NID1: variants seen among roughly 807,000 people sequenced by gnomAD.
NID1 encodes nidogen-1.
NID1 carries 76 observed loss-of-function variants against 130.6 expected under a neutral mutation model. The ratio of observed to expected loss-of-function variants is 0.58; its 90% confidence interval spans 0.48 to 0.70. The LOEUF is 0.70. Ranked by LOEUF, NID1 falls within the 30% of genes least tolerant of loss-of-function variation. The probability of loss-of-function intolerance (pLI) is 0.00; values close to 1 mark genes in which losing one functional copy is unlikely to be tolerated. For synonymous variants in NID1, 665 were observed against 675.1 expected (o/e 0.98, Z 0.23); for missense variants, 1,517 against 1,664.8 (o/e 0.91, Z 1.54).
intron 12 of NID1, among the ~76,000 whole-genome samples, chr1:236,003,807 C>G (rs1658156650): frequency 6.6e-6 from 1 of 151,924 alleles, no homozygotes; most frequent in Admixed American, 6.6e-5. Context: ...GAGGTGGAGG[C>G]TGCAGTGAGC....
chr1:235,983,823 C>T (rs183399883), intron 15 of NID1, among the ~76,000 whole-genome samples: 22 of 152,198 alleles, frequency 1.4e-4, no homozygotes, highest in African/African-American at 5.3e-4. Flanking sequence ...TTTAGAGATA[C>T]TTGGTTGGGT....
intron 13 of NID1, among the ~76,000 whole-genome samples, chr1:235,992,109 C>A (rs1244894509): frequency 6.6e-6 from 1 of 152,188 alleles, no homozygotes; most frequent in East Asian, 1.9e-4. Context: ...TGTCTGGAGA[C>A]CTGAGCCCTG....
Position 236,045,619 on chromosome 1 carries a change from G to C in NID1, c.590C>G (p.Pro197Arg). The change falls in exon 3 of 20, where the codon CCT (proline) becomes CGT (arginine). Residue 197 changes from proline (P) to arginine (R), a missense_variant. By Grantham distance (103) the Pro-to-Arg change is moderately radical (BLOSUM62 -2). Coordinates refer to ENST00000264187, the MANE Select transcript of NID1 (RefSeq NM_002508.3). ...DSSSYAIFLY[P>R]EDGLQFHTTF... The stretch of plus-strand genomic sequence containing the variant: ...CGTATGGAACTGCAGACCATCCTCA[G>C]GATAAAGGAAAATGGCATAGGAGCT... 6.2e-7 allele frequency: 1 copy of C among 1,614,110 alleles called. No individual in the cohort carries two copies. Among genetic ancestry groups the C allele is most frequent in the Non-Finnish European group, 8.5e-7 (1 of 1,180,036 alleles).
intron 12 of NID1, among the ~76,000 whole-genome samples, chr1:236,002,339 C>G (rs920633189): frequency 1.9e-4 from 29 of 152,120 alleles, no homozygotes; most frequent in African/African-American, 6.5e-4. Context: ...CCCGTATCTA[C>G]TAAAAACACA....
At chr1:236,007,922 G>A (rs1001576161) in intron 12 of NID1, among the ~76,000 whole-genome samples, 1 of 95,318 alleles carries the variant, frequency 1.0e-5, no homozygotes, top group Non-Finnish European at 2.0e-5. Context: ...AACTAATATG[G>A]TGGCTTTCTA....
Position 236,024,186 on chromosome 1 carries a change from G to C in NID1, c.2012C>G (p.Pro671Arg). Residue 671 changes from proline to arginine, a missense_variant, in exon 9 of 20, where the codon CCC becomes CGC. Pro to Arg is a moderately radical substitution (Grantham distance 103). This residue lies in a region of NID1 where 1,329 missense variants were observed against 1,429.2 expected (regional missense o/e 0.93). Coordinates refer to ENST00000264187, the MANE Select transcript of NID1 (RefSeq NM_002508.3). ...REGSPDALQN[P>R]CYIGTHGCDT... Reference sequence around the variant, plus strand: ...ACACCCATGAGTGCCGATGTAGCAGGGATTCTGAAGAGCATCAGGGGAGCC... The same window carrying C: ...ACACCCATGAGTGCCGATGTAGCAGCGATTCTGAAGAGCATCAGGGGAGCC... 1 of 1,614,234 alleles carries C rather than the reference G, an allele frequency of 6.2e-7. No homozygotes were observed. The highest frequency in any genetic ancestry group is 1.7e-5 in the Admixed American group (1 of 60,030).
At chr1:236,061,470 G>GT (rs959967257) in intron 1 of NID1, among the ~76,000 whole-genome samples, 22 of 151,094 alleles carry the variant, frequency 1.5e-4, no homozygotes, top group African/African-American at 3.9e-4. Flanking sequence ...TCTTTTTTTT[G>GT]TTTTTTTTGA....
intron 4 of NID1, 97 bp from the exon 5 acceptor site, chr1:236,038,350 C>T: frequency 7.7e-7 from 1 of 1,305,828 alleles, no homozygotes; most frequent in Non-Finnish European, 1.1e-6. Flanking sequence ...TGCAGGGACT[C>T]ACACCTGCAT....
chr1:236,015,441 G>A (rs1478355682), intron 10 of NID1, among the ~76,000 whole-genome samples: 1 of 152,128 alleles, frequency 6.6e-6, no homozygotes, highest in Non-Finnish European at 1.5e-5. Context: ...GAGGCCAGGA[G>A]TTCAAGACCA....
chr1:236,042,403 G>C, intron 3 of NID1, 111 bp from the exon 4 acceptor site: 1 of 1,376,228 alleles, frequency 7.3e-7, no homozygotes, highest in Non-Finnish European at 9.9e-7. Context: ...GCCATCACCT[G>C]CAGCTAGGAC....
Position 235,991,043 on chromosome 1 carries a change from G to A in NID1, c.2771C>T (p.Ala924Val). Residue 924 changes from alanine (A) to valine (V), a missense_variant, in exon 14 of 20, where the codon GCT (alanine) becomes GTT (valine). Ala to Val is a moderately conservative substitution (Grantham distance 64, BLOSUM62 0). Coordinates refer to ENST00000264187, the MANE Select transcript of NID1 (RefSeq NM_002508.3). Reference protein sequence around the residue: ...GMTPPCLSTVAPPIHQGPAVP... With the variant: ...GMTPPCLSTVVPPIHQGPAVP... ...CGCAGGTCCTTGGTGAATCGGGGGAGCCACTGTACTCAGACCTGCATGGCA... is the reference window on the plus strand; with the variant it reads ...CGCAGGTCCTTGGTGAATCGGGGGAACCACTGTACTCAGACCTGCATGGCA... 1 of 1,600,328 alleles carries A rather than the reference G, an allele frequency of 6.2e-7. No individual in the cohort carries two copies. Among genetic ancestry groups the A allele is most frequent in the Non-Finnish European group, 8.5e-7 (1 of 1,173,618 alleles).
At chr1:235,994,657 T>C (rs1657869566) in intron 12 of NID1, among the ~76,000 whole-genome samples, 1 of 152,200 alleles carries the variant, frequency 6.6e-6, no homozygotes, top group East Asian at 1.9e-4. Context: ...TTGTTTGTTT[T>C]TTCTAAATGT....
At position 235,984,278 on chromosome 1, in the gene NID1, G is replaced by A. The variant is rs77215656; in HGVS notation, c.3055+1101C>T. 2.0e-4 allele frequency among the ~76,000 whole-genome samples: 31 copies of A among 152,288 alleles called. No homozygotes were observed. In the East Asian group the frequency reaches 6.0e-3, roughly 29 times the overall value. ...TTCACTAAACCAAAGCATGAAAACTGGAAGACATGATTTAAATAGCCTGTT... is the reference window on the plus strand; with the variant it reads ...TTCACTAAACCAAAGCATGAAAACTAGAAGACATGATTTAAATAGCCTGTT... On this transcript the variant is annotated intron_variant, in intron 15 of 19. Coordinates refer to ENST00000264187, the MANE Select transcript of NID1 (RefSeq NM_002508.3).
At chr1:235,980,698 A>T (rs770576787) in intron 16 of NID1, 45 bp from the exon 17 acceptor site, 1 of 1,585,574 alleles carries the variant, frequency 6.3e-7, no homozygotes, top group Non-Finnish European at 8.6e-7. Flanking sequence ...AATAATAAGG[A>T]TGCATGAGAA....
At chr1:236,020,197 T>G (rs1658723252) in intron 9 of NID1, among the ~76,000 whole-genome samples, 1 of 152,218 alleles carries the variant, frequency 6.6e-6, no homozygotes. Context: ...ATTTAACATC[T>G]GGTCAACCTC....
At chr1:236,015,476 G>A (rs746120897) in intron 10 of NID1, among the ~76,000 whole-genome samples, 6 of 151,910 alleles carry the variant, frequency 3.9e-5, no homozygotes, top group Non-Finnish European at 7.4e-5. Context: ...GTGAAACCCC[G>A]TCTCTACTAA....
At chr1:236,052,283 T>G (rs1358662158) in intron 1 of NID1, among the ~76,000 whole-genome samples, 4 of 152,214 alleles carry the variant, frequency 2.6e-5, no homozygotes, top group Admixed American at 2.6e-4. Context: ...TTTCTCCATC[T>G]TTTGAAAGTA....
chr1:235,981,669 C>T lies in NID1; in HGVS notation c.3169G>A (p.Val1057Met). 3.1e-6 allele frequency: 5 copies of T among 1,614,200 alleles called. No homozygotes were observed. The highest frequency in any genetic ancestry group is 4.2e-6 in the Non-Finnish European group (5 of 1,180,028). ...TTCACCAAGTCAGTCTCAAAGAGCA[C>T]CCGGCGCTGCGTGCCGTCCAGCTTC... ...VAKLDGTQRR[V>M]LFETDLVNPR... Residue 1057 changes from valine (V) to methionine (M), a missense_variant, in exon 16 of 20, where the codon GTG becomes ATG. Physicochemically the swap from Val to Met is conservative, Grantham distance 21 (BLOSUM62 1). Coordinates refer to ENST00000264187, the MANE Select transcript of NID1 (RefSeq NM_002508.3).
At chr1:236,049,287 G>A (rs984008257) in intron 1 of NID1, among the ~76,000 whole-genome samples, 8 of 152,012 alleles carry the variant, frequency 5.3e-5, no homozygotes, top group African/African-American at 1.9e-4. Context: ...TAGGAGCCTG[G>A]GCATCAAAGT....
Sources: allele counts gnomAD v4.1 joint callset (sites outside exome capture counted in the v4.1 genomes callset), GRCh38; gene constraint gnomAD v4.1.1; regional missense constraint gnomAD v4.1.1; transcripts MANE v1.5; gene names NCBI Gene and HGNC (gene_info 2026-07-23, HGNC 2026-07-21).